USP24: variants seen among roughly 807,000 people sequenced by gnomAD.
USP24 encodes the protein ubiquitin specific peptidase 24.
Under a neutral mutation model 361.6 loss-of-function variants are expected in USP24, and 97 were observed. The ratio of observed to expected loss-of-function variants is 0.27; its 90% confidence interval spans 0.23 to 0.32. The LOEUF is 0.32. Ranked by LOEUF, USP24 falls within the 10% of genes least tolerant of loss-of-function variation. The pLI is 1.00. For missense variants in USP24, 2,353 were observed against 3,165.6 expected, an observed-to-expected ratio of 0.74 and a Z score of 6.16; for synonymous variants, 1,098 against 1,124.6, an observed-to-expected ratio of 0.98 and a Z score of 0.47.
At chr1:55,158,615 CTG>C (rs1485403129) in intron 10 of USP24, among the ~76,000 whole-genome samples, 1 of 152,148 alleles carries the variant, frequency 6.6e-6, no homozygotes, top group Admixed American at 6.5e-5. Flanking sequence ...AAATCTCAAA[CTG>C]TATATTCTAA....
In USP24 at chr1:55,177,032, A is replaced by G. The variant is rs192782205; in HGVS notation, c.491-589T>C. On this transcript the variant is annotated intron_variant, in intron 2 of 67. Coordinates refer to ENST00000294383, the MANE Select transcript of USP24 (RefSeq NM_015306.3). ...CTTAAGCCTGGGAGGTTGAGGCTGC[A>G]GTGAGACATGACTACGCCATTGCAC... Among the ~76,000 whole-genome samples the G allele has an allele frequency of 6.4e-3, 966 of 151,124 alleles. 16 individuals carry two copies. The highest frequency in any genetic ancestry group is 0.043 in the Admixed American group (645 of 15,156).
chr1:55,102,355 C>T (rs538324915), intron 42 of USP24, among the ~76,000 whole-genome samples: 4 of 152,258 alleles, frequency 2.6e-5, no homozygotes, highest in South Asian at 4.1e-4. Flanking sequence ...CAGTACAGTG[C>T]TTTTCTGGGT....
chr1:55,077,853 C>CG (rs1645062315), intron 61 of USP24, among the ~76,000 whole-genome samples: 2 of 152,264 alleles, frequency 1.3e-5, no homozygotes, highest in Admixed American at 1.3e-4. Context: ...AGGTACAGTA[C>CG]TAAGTGAGCA....
chr1:55,125,847 T>A, intron 32 of USP24, 89 bp from the exon 33 acceptor site: 1 of 1,064,014 alleles, frequency 9.4e-7, no homozygotes, highest in Non-Finnish European at 1.4e-6. Context: ...TCAGTCATCA[T>A]CAATTACTTA....
chr1:55,093,446 T>A (rs1285886649), intron 52 of USP24: 1 of 156,344 alleles, frequency 6.4e-6, no homozygotes, highest in Non-Finnish European at 1.4e-5. Context: ...TGTTTTTCCA[T>A]CCAAAAAATG....
chr1:55,143,210 C>T (rs1570528146), intron 21 of USP24, 91 bp from the exon 22 acceptor site: 2 of 899,272 alleles, frequency 2.2e-6, no homozygotes, highest in East Asian at 6.0e-5. Flanking sequence ...ATCATGAGTC[C>T]ACACCTCTTC....
At chr1:55,094,530 CAT>C (rs1018516631) in intron 51 of USP24, among the ~76,000 whole-genome samples, 67 of 152,066 alleles carry the variant, frequency 4.4e-4, no homozygotes, top group African/African-American at 1.6e-3. Flanking sequence ...TAATAAAACA[CAT>C]ATAGTCATAT....
At chr1:55,096,754 G>T (rs1645505021) in intron 49 of USP24, 132 bp from the exon 50 acceptor site, 4 of 1,404,776 alleles carry the variant, frequency 2.8e-6, no homozygotes, top group Non-Finnish European at 3.9e-6. Flanking sequence ...GAAATATGTA[G>T]CAACAATTAT....
At chr1:55,174,019 G>A (rs1055485729) in intron 3 of USP24, among the ~76,000 whole-genome samples, 4 of 152,176 alleles carry the variant, frequency 2.6e-5, no homozygotes, top group Admixed American at 1.3e-4. Context: ...ACCTTGTGAA[G>A]AAGATGCACA....
At chr1:55,170,084 A>T (rs1649296940) in intron 5 of USP24, among the ~76,000 whole-genome samples, 1 of 152,196 alleles carries the variant, frequency 6.6e-6, no homozygotes, top group Non-Finnish European at 1.5e-5. Flanking sequence ...GAAGGGGAGC[A>T]GAGGACCATA....
At chr1:55,128,882 TTTTTTA>T (rs1223972885) in intron 32 of USP24, among the ~76,000 whole-genome samples, 2 of 151,886 alleles carry the variant, frequency 1.3e-5, no homozygotes, top group African/African-American at 4.8e-5. Flanking sequence ...ACTCAACTAT[TTTTTTA>T]TTTTTATTTT....
At chr1:55,118,878 T>C (rs1646196885) in intron 38 of USP24, among the ~76,000 whole-genome samples, 1 of 152,080 alleles carries the variant, frequency 6.6e-6, no homozygotes, top group Non-Finnish European at 1.5e-5. Context: ...ATAGCTACTA[T>C]CAAAAACAAA....
chr1:55,085,327 G>C (rs1377975033), intron 56 of USP24, among the ~76,000 whole-genome samples: 1 of 152,222 alleles, frequency 6.6e-6, no homozygotes, highest in Admixed American at 6.5e-5. Context: ...TGCATTTGAA[G>C]CAGTAATTCC....
chr1:55,139,710 G>GA (rs957923755), intron 24 of USP24, among the ~76,000 whole-genome samples: 5 of 152,096 alleles, frequency 3.3e-5, no homozygotes, highest in Non-Finnish European at 5.9e-5. Flanking sequence ...TTCTAAAACT[G>GA]AAAAGAGGTA....
intron 7 of USP24, among the ~76,000 whole-genome samples, chr1:55,163,858 G>T (rs1262213462): frequency 6.6e-6 from 1 of 151,934 alleles, no homozygotes; most frequent in Non-Finnish European, 1.5e-5. Flanking sequence ...CGTGAGCTCT[G>T]CAGGGCTGCC....
At chr1:55,213,468 C>T (rs574571537) in intron 1 of USP24, among the ~76,000 whole-genome samples, 2 of 152,302 alleles carry the variant, frequency 1.3e-5, no homozygotes, top group Admixed American at 1.3e-4. Context: ...GTTGCAAAAG[C>T]ATACAATTAA....
At chr1:55,091,762 CCTT>C (rs1645381990) in intron 54 of USP24, among the ~76,000 whole-genome samples, 1 of 152,132 alleles carries the variant, frequency 6.6e-6, no homozygotes, top group Non-Finnish European at 1.5e-5. Context: ...ACTCTAATCT[CCTT>C]ATCTGGATAT....
At chr1:55,193,948 G>C (rs1644353461) in intron 1 of USP24, among the ~76,000 whole-genome samples, 1 of 152,044 alleles carries the variant, frequency 6.6e-6, no homozygotes, top group African/African-American at 2.4e-5. Flanking sequence ...CAAATCTCAG[G>C]CTCTAGATTA....
chr1:55,124,166 GTAT>G (rs1274194553), intron 35 of USP24, among the ~76,000 whole-genome samples: 3 of 152,154 alleles, frequency 2.0e-5, no homozygotes, highest in Non-Finnish European at 2.9e-5. Context: ...AAATGAATTT[GTAT>G]TATTGCCACA....
Sources: gnomAD v4.1 joint callset for allele counts (sites outside exome capture counted in the v4.1 genomes callset) on GRCh38, gnomAD v4.1.1 for gene constraint, MANE v1.5 for transcripts, NCBI Gene and HGNC (gene_info 2026-07-23, HGNC 2026-07-21) for gene names.